The following RBFOX1 variants were observed in gnomAD, a reference collection of about 807,000 sequenced individuals.
RBFOX1 encodes RNA binding fox-1 homolog 1.
In RBFOX1, 8 loss-of-function variants were observed where a neutral mutation model predicts 57.7. That is an observed-to-expected ratio of 0.14 (90% CI 0.08 to 0.25). RBFOX1 has a LOEUF of 0.25. RBFOX1 is among the 10% of genes least tolerant of loss of function. The pLI is 1.00. For synonymous variants in RBFOX1, 326 were observed against 222.4 expected (o/e 1.47, Z -4.15); for missense variants, 611 against 548.5 (o/e 1.11, Z -1.14).
At chr16:5,912,875 G>C (rs1319445295) in intron 4 of RBFOX1, among the ~76,000 whole-genome samples, 1 of 152,176 alleles carries the variant, frequency 6.6e-6, no homozygotes, top group East Asian at 1.9e-4. Flanking sequence ...TCCATGGGGA[G>C]AGTGCCAGGA....
At chr16:5,930,098 G>T (rs751483619) in intron 4 of RBFOX1, among the ~76,000 whole-genome samples, 3 of 151,644 alleles carry the variant, frequency 2.0e-5, no homozygotes, top group Non-Finnish European at 4.4e-5. Flanking sequence ...GTTTGTGAAA[G>T]TTGAATGGAA....
In RBFOX1 at chr16:5,814,266, C is replaced by G. The variant is rs78436438; in HGVS notation, c.319-53037C>G. Among the ~76,000 whole-genome samples, 80 of 152,280 alleles carry G rather than the reference C, an allele frequency of 5.3e-4. 2 individuals carry two copies. In the East Asian group the frequency reaches 0.015, roughly 29 times the overall value. Reference sequence around the variant, plus strand: ...GGGAAACTGTATCACTGTTACCTTGCATGCTATGTCCTAATGAAGAAGTGA... The same window carrying G: ...GGGAAACTGTATCACTGTTACCTTGGATGCTATGTCCTAATGAAGAAGTGA... On this transcript the variant is annotated intron_variant, in intron 3 of 19. Coordinates refer to the RBFOX1 transcript ENST00000641259.
chr16:7,359,661 A>G (rs1443637347), intron 4 of RBFOX1, among the ~76,000 whole-genome samples: 3 of 152,124 alleles, frequency 2.0e-5, no homozygotes, highest in African/African-American at 7.2e-5. Context: ...TCCATCAGCA[A>G]TGTCAAGGAT....
intron 3 of RBFOX1, among the ~76,000 whole-genome samples, chr16:5,778,028 C>T (rs1465178132): frequency 6.6e-6 from 1 of 152,100 alleles, no homozygotes; most frequent in Non-Finnish European, 1.5e-5. Context: ...TGCTCAGAAC[C>T]CTAGGGCCAG....
intron 2 of RBFOX1, among the ~76,000 whole-genome samples, chr16:6,429,971 G>A (rs1446437785): frequency 6.6e-6 from 1 of 152,072 alleles, no homozygotes; most frequent in Non-Finnish European, 1.5e-5. Flanking sequence ...AGCCAGGTAT[G>A]GTGACACATG....
At chr16:6,694,844 A>G (rs2060780039) in intron 3 of RBFOX1, among the ~76,000 whole-genome samples, 1 of 152,080 alleles carries the variant, frequency 6.6e-6, no homozygotes, top group African/African-American at 2.4e-5. Flanking sequence ...GACCTGGTCT[A>G]GAGTCCAGCC....
At chr16:7,316,827 T>C (rs569312020) in intron 4 of RBFOX1, among the ~76,000 whole-genome samples, 1 of 151,918 alleles carries the variant, frequency 6.6e-6, no homozygotes, top group Admixed American at 6.6e-5. Flanking sequence ...TAGGTGTCTT[T>C]AAGATGCTGG....
At chr16:6,687,341 A>T (rs1603418526) in intron 3 of RBFOX1, among the ~76,000 whole-genome samples, 1 of 152,316 alleles carries the variant, frequency 6.6e-6, no homozygotes, top group Admixed American at 6.5e-5. Context: ...GGTACAATGT[A>T]CACTACTTGC....
chr16:7,400,058 T>G (rs115920784), intron 4 of RBFOX1, among the ~76,000 whole-genome samples: 1 of 152,120 alleles, frequency 6.6e-6, no homozygotes. Context: ...GATGAGAAAA[T>G]TGACCCTCAG....
intron 2 of RBFOX1, among the ~76,000 whole-genome samples, chr16:6,651,053 C>G (rs1355913226): frequency 6.6e-6 from 1 of 152,142 alleles, no homozygotes; most frequent in Non-Finnish European, 1.5e-5. Flanking sequence ...CAGGCGTGCA[C>G]CAACAAGCCC....
At chr16:5,647,485 A>G in intron 3 of RBFOX1, among the ~76,000 whole-genome samples, 1 of 152,144 alleles carries the variant, frequency 6.6e-6, no homozygotes, top group Non-Finnish European at 1.5e-5. Flanking sequence ...GGTTATTGTG[A>G]AGTCAGTCGA....
At chr16:5,888,632 C>T (rs546202428) in intron 4 of RBFOX1, among the ~76,000 whole-genome samples, 1 of 152,042 alleles carries the variant, frequency 6.6e-6, no homozygotes, top group Non-Finnish European at 1.5e-5. Flanking sequence ...CTCGTCTCTA[C>T]TAAAAATACA....
intron 12 of RBFOX1, among the ~76,000 whole-genome samples, chr16:7,656,540 T>C (rs2066350282): frequency 6.7e-6 from 1 of 148,622 alleles, no homozygotes; most frequent in African/African-American, 2.5e-5. Context: ...ATACTTGTTT[T>C]CAGAAAGTAA....
chr16:6,142,116 A>G (rs2096720816), intron 1 of RBFOX1, among the ~76,000 whole-genome samples: 1 of 131,956 alleles, frequency 7.6e-6, no homozygotes, highest in Admixed American at 8.8e-5. Context: ...TTACTTCTCG[A>G]TCCCTGATTA....
chr16:7,396,360 A>C (rs1056120370), intron 4 of RBFOX1, among the ~76,000 whole-genome samples: 4 of 152,116 alleles, frequency 2.6e-5, no homozygotes, highest in African/African-American at 9.7e-5. Flanking sequence ...ATTCAAATGT[A>C]ATGAGAACAA....
intron 2 of RBFOX1, among the ~76,000 whole-genome samples, chr16:6,481,008 C>A (rs544194031): frequency 1.3e-5 from 2 of 152,170 alleles, no homozygotes; most frequent in South Asian, 4.1e-4. Context: ...CAAACATATC[C>A]ACAAATGTAT....
chr16:6,931,270 AATCT>A lies in RBFOX1; in HGVS notation c.-15-120778_-15-120775del, dbSNP rs200305954. On this transcript the variant is annotated intron_variant, in intron 3 of 15. Coordinates refer to ENST00000550418, the MANE Select transcript of RBFOX1 (RefSeq NM_018723.4). ...CTCTTTGGTGCTACCAAAAAAAAAA[AATCT>A]ATCTATCTGTCTGTCTGTCTGTCTA... Among the ~76,000 whole-genome samples, 431 of 147,934 alleles carry A rather than the reference AATCT, an allele frequency of 2.9e-3. 1 individual carries two copies. Among genetic ancestry groups the A allele is most frequent in the African/African-American group, 9.2e-3 (367 of 40,052 alleles).
intron 14 of RBFOX1, among the ~76,000 whole-genome samples, chr16:7,689,721 A>G (rs2076915753): frequency 6.6e-6 from 1 of 152,060 alleles, no homozygotes; most frequent in African/African-American, 2.4e-5. Context: ...TCAAAGAAAA[A>G]TGGAAAAACC....
intron 3 of RBFOX1, among the ~76,000 whole-genome samples, chr16:5,794,567 T>C (rs1336179100): frequency 2.0e-5 from 3 of 151,980 alleles, no homozygotes; most frequent in Non-Finnish European, 4.4e-5. Context: ...ATTGGAGAGG[T>C]ATAGCTGTCG....
Sources: allele counts gnomAD v4.1 joint callset (sites outside exome capture counted in the v4.1 genomes callset), GRCh38; gene constraint gnomAD v4.1.1; transcripts MANE v1.5; gene names NCBI Gene and HGNC (gene_info 2026-07-23, HGNC 2026-07-21).